The following ZNF433 variants were observed in gnomAD, a reference collection of about 807,000 sequenced individuals.
The protein encoded by ZNF433 is zinc finger protein 433.
In ZNF433, 12 loss-of-function variants were observed where a neutral mutation model predicts 10.6. The ratio of observed to expected loss-of-function variants is 1.13; its 90% confidence interval spans 0.72 to 1.83. ZNF433 has a LOEUF of 1.83. Among genes scored for constraint, ZNF433 ranks in the 40% most tolerant of loss-of-function variants. The probability of loss-of-function intolerance (pLI) is 0.00; values close to 1 mark genes in which losing one functional copy is unlikely to be tolerated. For synonymous variants in ZNF433, 272 were observed against 271.3 expected (o/e 1.00, Z -0.02); for missense variants, 737 against 798.0 (o/e 0.92, Z 0.92).
chr19:12,015,451 G>A lies in ZNF433; in HGVS notation c.1407C>T (p.His469=). The change falls in exon 4 of 4, where the codon CAC becomes CAT. Residue 469 remains histidine (H), a synonymous_variant. Coordinates refer to ENST00000550507, the MANE Select transcript of ZNF433 (RefSeq NM_001308348.2). ...FSFFQIHERM[H]REEKPYECKG... ...TACATTCATACGGCTTCTCTTCTCT[G>A]TGCATCCTTTCATGTATTTGAAAGA... 1 of 1,613,946 alleles carries A rather than the reference G, an allele frequency of 6.2e-7. No homozygotes were observed. The highest frequency in any genetic ancestry group is 8.5e-7 in the Non-Finnish European group (1 of 1,179,948).
intron 1 of ZNF433, among the ~76,000 whole-genome samples, chr19:12,022,942 C>A (rs896475583): frequency 1.3e-5 from 2 of 152,332 alleles, no homozygotes; most frequent in Admixed American, 6.5e-5. Flanking sequence ...GCTCTCAGTT[C>A]TATTCAGGCA....
At chr19:12,033,411 T>G (rs939214720) in intron 1 of ZNF433, among the ~76,000 whole-genome samples, 1 of 152,154 alleles carries the variant, frequency 6.6e-6, no homozygotes, top group Non-Finnish European at 1.5e-5. Context: ...CATTTTCATT[T>G]ACGAGGCTGA....
intron 1 of ZNF433, among the ~76,000 whole-genome samples, chr19:12,021,593 G>T (rs1343095335): frequency 6.6e-6 from 1 of 152,146 alleles, no homozygotes; most frequent in Non-Finnish European, 1.5e-5. Context: ...ATAATATACA[G>T]AACTGTAATC....
At chr19:12,020,564 G>C (rs1478642006) in intron 1 of ZNF433, among the ~76,000 whole-genome samples, 3 of 152,178 alleles carry the variant, frequency 2.0e-5, no homozygotes, top group Non-Finnish European at 4.4e-5. Context: ...TTTCGAGAGA[G>C]GAGTGAGTGT....
chr19:12,032,915 A>G (rs1285202382), intron 1 of ZNF433, among the ~76,000 whole-genome samples: 4 of 152,184 alleles, frequency 2.6e-5, no homozygotes, highest in Non-Finnish European at 5.9e-5. Flanking sequence ...TTACAAAAAG[A>G]CAAACCCACA....
intron 1 of ZNF433, among the ~76,000 whole-genome samples, chr19:12,027,439 T>C (rs1251387371): frequency 1.3e-5 from 2 of 152,124 alleles, no homozygotes; most frequent in Non-Finnish European, 2.9e-5. Context: ...ACACTGAAGG[T>C]TGTTCATTTA....
intron 3 of ZNF433, among the ~76,000 whole-genome samples, chr19:12,017,447 C>T (rs1348231852): frequency 1.3e-5 from 2 of 152,164 alleles, no homozygotes; most frequent in African/African-American, 2.4e-5. Flanking sequence ...AAGTGACCCA[C>T]CCTCCTCGGC....
intron 1 of ZNF433, among the ~76,000 whole-genome samples, chr19:12,022,816 C>G (rs2050221892): frequency 6.6e-6 from 1 of 152,144 alleles, no homozygotes; most frequent in Non-Finnish European, 1.5e-5. Flanking sequence ...CCTTCTGCAC[C>G]CCCTCCTTAT....
At chr19:12,018,111 A>G in intron 2 of ZNF433, 55 bp downstream of exon 2, 1 of 1,520,658 alleles carries the variant, frequency 6.6e-7, no homozygotes, top group Non-Finnish European at 8.8e-7. Flanking sequence ...GTTCTCAGAA[A>G]AAAAAAAAAA....
chr19:12,023,485 T>C (rs978123674), intron 1 of ZNF433: 5 of 152,110 alleles, frequency 3.3e-5, no homozygotes, highest in African/African-American at 1.2e-4. Context: ...AACAGGAGGA[T>C]TTGGAAGCAC....
At chr19:12,027,163 A>G (rs751689763) in intron 1 of ZNF433, 1 of 439,566 alleles carries the variant, frequency 2.3e-6, no homozygotes, top group South Asian at 1.6e-5. Flanking sequence ...ATGGATTAGC[A>G]GCTATTAACC....
At chr19:12,032,064 G>A (rs573166168) in intron 1 of ZNF433, among the ~76,000 whole-genome samples, 16 of 150,470 alleles carry the variant, frequency 1.1e-4, no homozygotes, top group Admixed American at 2.0e-4. Context: ...TCAGCCTCCC[G>A]AGTAGCTGGG....
chr19:12,020,044 G>T (rs1217979511), intron 1 of ZNF433, among the ~76,000 whole-genome samples: 2 of 152,166 alleles, frequency 1.3e-5, no homozygotes, highest in South Asian at 2.1e-4. Flanking sequence ...GTCCGAGGTG[G>T]GCGGATGACT....
rs754553985 is a variant in ZNF433, at chr19:12,016,021, A to G, written c.837T>C (p.Tyr279=). The change falls in exon 4 of 4, where the codon TAT becomes TAC. Residue 279 remains tyrosine (Y), a synonymous_variant. Transcript: ENST00000550507. ...AGGCTTTCCCACACTGTTTACATTC[A>G]TATGGCTTCTCCCCAGTGTGAGTTC... ...HKRTHTGEKP[Y]ECKQCGKAFS... 1 of 1,614,018 alleles carries G rather than the reference A, an allele frequency of 6.2e-7. No individual in the cohort carries two copies. The highest frequency in any genetic ancestry group is 8.5e-7 in the Non-Finnish European group (1 of 1,179,926).
intron 1 of ZNF433, among the ~76,000 whole-genome samples, chr19:12,021,163 G>A (rs1341174830): frequency 1.3e-5 from 2 of 151,852 alleles, no homozygotes; most frequent in East Asian, 3.9e-4. Flanking sequence ...TGTATTTTTA[G>A]TAGAGACGGG....
chr19:12,026,577 C>A (rs1974744167), intron 1 of ZNF433: 1 of 404,082 alleles, frequency 2.5e-6, no homozygotes, highest in Non-Finnish European at 4.9e-6. Flanking sequence ...CTCTATGACA[C>A]AGTTACACAT....
chr19:12,027,874 CT>C (rs1186741515), intron 1 of ZNF433: 3 of 152,112 alleles, frequency 2.0e-5, no homozygotes, highest in Non-Finnish European at 4.4e-5. Context: ...GCATGTCTTT[CT>C]TCCATTTGGT....
intron 1 of ZNF433, among the ~76,000 whole-genome samples, chr19:12,032,201 G>C (rs1366558354): frequency 6.6e-6 from 1 of 152,096 alleles, no homozygotes; most frequent in Non-Finnish European, 1.5e-5. Flanking sequence ...ACCTCCCAAA[G>C]TGTTGGGATT....
intron 3 of ZNF433, 47 bp from the exon 4 acceptor site, chr19:12,016,713 T>A: frequency 6.4e-7 from 1 of 1,574,468 alleles, no homozygotes; most frequent in Non-Finnish European, 8.6e-7. Flanking sequence ...TTATCAGTGA[T>A]TTTATATTCA....
Sources: gnomAD v4.1 joint callset for allele counts (sites outside exome capture counted in the v4.1 genomes callset) on GRCh38, gnomAD v4.1.1 for gene constraint, MANE v1.5 for transcripts, NCBI Gene and HGNC (gene_info 2026-07-23, HGNC 2026-07-21) for gene names.